Variants in ECI1 observed in about 807,000 individuals in gnomAD.
ECI1 encodes the protein enoyl-CoA delta isomerase 1.
In ECI1, 34 loss-of-function variants were observed where a neutral mutation model predicts 34.2. The ratio of observed to expected loss-of-function variants is 1.00; its 90% CI spans 0.76 to 1.33. ECI1 has a LOEUF of 1.33. Among genes scored for constraint, ECI1 ranks in the 40% most tolerant of loss-of-function variants. The pLI is 0.00. For missense variants in ECI1, 456 were observed against 422.2 expected (o/e 1.08, Z -0.70); for synonymous variants, 211 against 193.0 (o/e 1.09, Z -0.77).
chr16:2,245,388 T>C (rs997181453), intron 3 of ECI1, among the ~76,000 whole-genome samples: 3 of 152,176 alleles, frequency 2.0e-5, no homozygotes, highest in Non-Finnish European at 2.9e-5. Flanking sequence ...AGCCACCTAA[T>C]GTGTGCGAGG....
intron 6 of ECI1, 112 bp from the exon 7 acceptor site, chr16:2,240,257 G>GC: frequency 8.3e-7 from 1 of 1,211,676 alleles, no homozygotes; most frequent in South Asian, 1.3e-5. Context: ...TGTCGCCCAG[G>GC]CTGGAGTGCA....
intron 6 of ECI1, among the ~76,000 whole-genome samples, chr16:2,242,001 AG>A (rs1313466441): frequency 6.6e-6 from 1 of 151,950 alleles, no homozygotes; most frequent in Non-Finnish European, 1.5e-5. Flanking sequence ...CTGGGACTAC[AG>A]GCGCCCGCCG....
At chr16:2,248,951 G>A (rs1343323947) in intron 2 of ECI1, among the ~76,000 whole-genome samples, 2 of 152,088 alleles carry the variant, frequency 1.3e-5, no homozygotes, top group African/African-American at 2.4e-5. Flanking sequence ...GGATACCGCC[G>A]GGCTTTGTTG....
Position 2,239,879 on chromosome 16 carries a change from G to A in ECI1, c.*100C>T. ...AACTTCTACGTAACATCAGCAAAAT[G>A]AAACGCTGGCAGTACTTTTAAGTTG... On this transcript the variant is annotated 3_prime_UTR_variant, in exon 7 of 7. Transcript: ENST00000301729. The A allele has an allele frequency of 7.6e-7, 1 of 1,316,558 alleles. No individual in the cohort carries two copies. Among genetic ancestry groups the A allele is most frequent in the Non-Finnish European group, 1.1e-6 (1 of 912,268 alleles). The allele number at this position is 1,316,558 out of a possible 1,614,324, so 81.6% of individuals were successfully genotyped here.
chr16:2,251,033 T>G (rs950209573), intron 2 of ECI1, among the ~76,000 whole-genome samples: 98 of 152,214 alleles, frequency 6.4e-4, no homozygotes, highest in Non-Finnish European at 1.3e-3. Context: ...TTGGCCAGGC[T>G]GATCTCGAAC....
chr16:2,245,558 G>A (rs552715653), intron 3 of ECI1, among the ~76,000 whole-genome samples: 2 of 152,276 alleles, frequency 1.3e-5, no homozygotes, highest in East Asian at 1.9e-4. Context: ...TACAAAACGC[G>A]TTCTACTTCC....
chr16:2,242,847 G>A (rs532213959), intron 6 of ECI1, 199 bp downstream of exon 6: 3 of 611,656 alleles, frequency 4.9e-6, no homozygotes, highest in African/African-American at 3.7e-5. Flanking sequence ...TTGCACCTCT[G>A]GTCTCCAGCA....
Position 2,244,190 on chromosome 16 carries a change from T to C in ECI1, c.441+216A>G, listed in dbSNP as rs2093534741. On this transcript the variant is annotated intron_variant, in intron 4 of 6. Transcript: ENST00000301729. ...CCCTACCCACTGGCTCTTTTCTGGG[T>C]CTTGTCTGATTGACCCAGGCCAGGG... 9 of 616,024 alleles carry C rather than the reference T, an allele frequency of 1.5e-5. No individual in the cohort carries two copies. The South Asian group carries it at 1.5e-4, about 10-fold the overall frequency. The allele number at this position is 616,024 out of a possible 1,614,324, so 38.2% of individuals were successfully genotyped here. A position where few individuals can be genotyped will look rare whatever the true frequency, so the allele number is the denominator to read the frequency against.
intron 4 of ECI1, chr16:2,244,187 G>T: frequency 1.6e-6 from 1 of 609,486 alleles, no homozygotes; most frequent in Non-Finnish European, 2.9e-6. Context: ...GCTCTTTTCT[G>T]GGTCTTGTCT....
chr16:2,247,496 C>G (rs1044874900), intron 2 of ECI1, among the ~76,000 whole-genome samples: 1 of 152,184 alleles, frequency 6.6e-6, no homozygotes, highest in Non-Finnish European at 1.5e-5. Context: ...CTCTTGGGTT[C>G]AAGCGATTCG....
At chr16:2,248,280 A>G (rs957892098) in intron 2 of ECI1, among the ~76,000 whole-genome samples, 3 of 151,766 alleles carry the variant, frequency 2.0e-5, no homozygotes, top group Non-Finnish European at 4.4e-5. Context: ...TATTTTTAGT[A>G]GAGATGGGGT....
At chr16:2,244,026 G>C (rs1225295531) in intron 4 of ECI1, 1 of 353,164 alleles carries the variant, frequency 2.8e-6, no homozygotes, top group Admixed American at 4.0e-5. Flanking sequence ...CCTGGTTCCT[G>C]AGGTTAAGCC....
chr16:2,243,353 G>T lies in ECI1; in HGVS notation c.528C>A (p.Leu176=). Residue 176 remains leucine (L), a synonymous_variant, in exon 5 of 7, where the codon CTC becomes CTA. Coordinates refer to ENST00000301729, the MANE Select transcript of ECI1 (RefSeq NM_001919.4). ...CGATGATGCCCAGCTGGGTCTCATT[G>T]AGTCCTATGCAGTACCTGGGGTTGT... is the stretch of plus-strand genomic sequence containing the variant. The part of the protein sequence containing the change: ...LADNPRYCIG[L]NETQLGIIAP... The T allele has an allele frequency of 6.2e-7, 1 of 1,613,770 alleles. No homozygotes were observed. Among genetic ancestry groups the T allele is most frequent in the South Asian group, 1.1e-5 (1 of 91,086 alleles).
intron 2 of ECI1, among the ~76,000 whole-genome samples, chr16:2,249,243 G>T (rs945399877): frequency 1.3e-5 from 2 of 151,756 alleles, no homozygotes; most frequent in African/African-American, 4.8e-5. Context: ...TAGAGATGGG[G>T]TTTCACCGTG....
At chr16:2,250,441 T>G (rs2141512559) in intron 2 of ECI1, among the ~76,000 whole-genome samples, 1 of 151,830 alleles carries the variant, frequency 6.6e-6, no homozygotes, top group East Asian at 1.9e-4. Flanking sequence ...GCCCTGAGTC[T>G]GGGGGGTTGG....
At position 2,243,222 on chromosome 16, in the gene ECI1, A is replaced by G. The variant is rs2093532253; in HGVS notation, c.566T>C (p.Leu189Ser). 2 of 1,612,242 alleles carry G rather than the reference A, an allele frequency of 1.2e-6. No homozygotes were observed. The highest frequency in any genetic ancestry group is 1.3e-5 in the African/African-American group (1 of 74,918). ...GATGGTGTTCTCCAGGGTGTCTTTC[A>G]ACCTGGAAATGCAGACACCCACTCA... ...TQLGIIAPFWLKDTLENTIGH... is the reference protein window; with the variant it reads ...TQLGIIAPFWSKDTLENTIGH... The change falls in exon 6 of 7, where the codon TTG becomes TCG. Residue 189 changes from leucine (L) to serine (S), a missense_variant and splice_region_variant. Transcript: ENST00000301729.
At chr16:2,246,740 G>T in intron 3 of ECI1, 119 bp downstream of exon 3, 2 of 1,506,060 alleles carry the variant, frequency 1.3e-6, no homozygotes, top group East Asian at 2.3e-5. Context: ...GGGGCTGCCG[G>T]CTGGCCTGTG....
chr16:2,243,829 G>C (rs941393940), intron 4 of ECI1, among the ~76,000 whole-genome samples: 1 of 152,176 alleles, frequency 6.6e-6, no homozygotes, highest in Non-Finnish European at 1.5e-5. Context: ...CACCCCAGCA[G>C]CTAGCGCAAC....
intron 6 of ECI1, among the ~76,000 whole-genome samples, chr16:2,241,287 G>A (rs1466546361): frequency 1.3e-5 from 2 of 152,204 alleles, no homozygotes; most frequent in South Asian, 2.1e-4. Flanking sequence ...TCAAGGCCCT[G>A]AAGCTATGAA....
Sources: gnomAD v4.1 joint callset for allele counts (sites outside exome capture counted in the v4.1 genomes callset) on GRCh38, gnomAD v4.1.1 for gene constraint, MANE v1.5 for transcripts, NCBI Gene and HGNC (gene_info 2026-07-23, HGNC 2026-07-21) for gene names.